LPIN1: variants seen among roughly 807,000 people sequenced by gnomAD.
LPIN1 encodes the protein phosphatidate phosphatase LPIN1.
A neutral mutation model predicts 107.5 loss-of-function variants in LPIN1; 71 were observed. The ratio of observed to expected loss-of-function variants is 0.66; its 90% confidence interval spans 0.55 to 0.80. The LOEUF (loss-of-function observed/expected upper bound fraction) is 0.80, where lower values mean the gene tolerates loss of function less well. Among genes scored for constraint, LPIN1 ranks in the 30% least tolerant of loss-of-function variants. The pLI, the probability that LPIN1 is intolerant of heterozygous loss-of-function variation, is 0.00. For missense variants in LPIN1, 1,043 were observed against 1,160.6 expected, an observed-to-expected ratio of 0.90 and a Z score of 1.47; for synonymous variants, 445 against 452.6, an observed-to-expected ratio of 0.98 and a Z score of 0.21.
chr2:11,789,245 C>G (rs1446259103), intron 12 of LPIN1, among the ~76,000 whole-genome samples: 1 of 152,198 alleles, frequency 6.6e-6, no homozygotes, highest in Non-Finnish European at 1.5e-5. Context: ...TTTGTTGAGT[C>G]TAGGCTTGCT....
chr2:11,774,631 G>GC lies in LPIN1; in HGVS notation c.722+888dup, dbSNP rs1672368877. 6.6e-6 allele frequency among the ~76,000 whole-genome samples: 1 copy of GC among 152,140 alleles called. No individual in the cohort carries two copies. The highest frequency in any genetic ancestry group is 6.5e-5 in the Admixed American group (1 of 15,282). ...TTTAGATTCGCTTCTGGTTCATGGTGCCAGCCCTTAGAAACTCTGGGTTCC... is the reference window on the plus strand; with the variant it reads ...TTTAGATTCGCTTCTGGTTCATGGTGCCCAGCCCTTAGAAACTCTGGGTTCC... On this transcript the variant is annotated intron_variant, in intron 5 of 20. Transcript: ENST00000674199. This position sits in a 1 kb window ranked among gnomAD's most constrained non-coding sequence, Gnocchi z 4.4.
chr2:11,705,877 A>G (rs891636260), intron 1 of LPIN1, among the ~76,000 whole-genome samples: 1 of 152,168 alleles, frequency 6.6e-6, no homozygotes, highest in African/African-American at 2.4e-5. Context: ...TCCAAATTTC[A>G]TCTTGAATTG....
upstream of LPIN1, among the ~76,000 whole-genome samples, chr2:11,743,370 G>A (rs1283008403): frequency 2.6e-5 from 4 of 152,122 alleles, no homozygotes; most frequent in African/African-American, 4.8e-5. The surrounding 1 kb of genome is among the most constrained non-coding windows in gnomAD (Gnocchi z 4.7). Flanking sequence ...CTCTCCCTGC[G>A]GAACCCAGAA....
Position 11,803,327 on chromosome 2 carries a change from T to C in LPIN1, c.2013+294T>C, listed in dbSNP as rs1444167701. ...GGCGGAGCTAATTCGTCCTAAGGTG[T>C]CAATCACAGATAGACTTGAAAATCA... On this transcript the variant is annotated intron_variant, in intron 15 of 20. Coordinates refer to ENST00000674199, the MANE Select transcript of LPIN1 (RefSeq NM_001349206.2). The surrounding 1 kb of genome is among the most constrained non-coding windows in gnomAD (Gnocchi z 4.2). 6.6e-6 allele frequency among the ~76,000 whole-genome samples: 1 copy of C among 152,072 alleles called. No homozygotes were observed. The highest frequency in any genetic ancestry group is 1.5e-5 in the Non-Finnish European group (1 of 68,024).
intron 1 of LPIN1, among the ~76,000 whole-genome samples, chr2:11,734,524 G>T (rs1363760665): frequency 6.6e-6 from 1 of 152,156 alleles, no homozygotes; most frequent in Non-Finnish European, 1.5e-5. Context: ...ATCTGCATTA[G>T]CTAATTGCTT....
At chr2:11,681,486 C>G (rs1454230798) in intron 1 of LPIN1, 2 of 157,904 alleles carry the variant, frequency 1.3e-5, no homozygotes, top group Middle Eastern at 2.9e-3. Context: ...CGCCTTCTGC[C>G]GTCATTGTAA....
Position 11,774,206 on chromosome 2 carries a change from G to T in LPIN1, c.722+461G>T, listed in dbSNP as rs886982531. ...TTTCCCTGAAATGAACTCACAAGTT[G>T]CCCTAGAGGAAAACTTGGAGAACTA... On this transcript the variant is annotated intron_variant, in intron 5 of 20. Transcript: ENST00000674199. This position sits in a 1 kb window ranked among gnomAD's most constrained non-coding sequence, Gnocchi z 4.4. 2.0e-5 allele frequency among the ~76,000 whole-genome samples: 3 copies of T among 152,200 alleles called. No individual in the cohort carries two copies. The highest frequency in any genetic ancestry group is 4.4e-5 in the Non-Finnish European group (3 of 68,036).
At chr2:11,699,847 G>C (rs74787134) in intron 1 of LPIN1, among the ~76,000 whole-genome samples, 3,324 of 152,240 alleles carry the variant, frequency 0.022, 58 homozygotes, top group African/African-American at 0.05. Flanking sequence ...GACGGGCTGG[G>C]GGAGGGAGAG....
chr2:11,750,359 C>G (rs1029831258), intron 1 of LPIN1, among the ~76,000 whole-genome samples: 1 of 152,182 alleles, frequency 6.6e-6, no homozygotes, highest in African/African-American at 2.4e-5. Flanking sequence ...TCGGGGTGGC[C>G]TCTTTGGGCT....
chr2:11,728,906 A>G (rs1377899782), intron 1 of LPIN1, among the ~76,000 whole-genome samples: 1 of 152,164 alleles, frequency 6.6e-6, no homozygotes, highest in African/African-American at 2.4e-5. Context: ...TTAGACCTTC[A>G]TGAGATGAGT....
At chr2:11,807,512 ATTTTTTT>A (rs557625077) in intron 17 of LPIN1, among the ~76,000 whole-genome samples, 7 of 140,666 alleles carry the variant, frequency 5.0e-5, no homozygotes, top group African/African-American at 1.3e-4. Flanking sequence ...TTGCTTTTTA[ATTTTTTT>A]TTTTTTTTTG....
chr2:11,772,532 TA>T (rs1302645939), intron 4 of LPIN1, among the ~76,000 whole-genome samples: 1 of 152,216 alleles, frequency 6.6e-6, no homozygotes, highest in African/African-American at 2.4e-5. Context: ...GGCTGATTTA[TA>T]GGCAAGGGCT....
intron 1 of LPIN1, among the ~76,000 whole-genome samples, chr2:11,710,905 G>T (rs1663374083): frequency 6.6e-6 from 1 of 152,120 alleles, no homozygotes; most frequent in Admixed American, 6.5e-5. Context: ...ACTTAGCTGT[G>T]AAAGAAATTA....
chr2:11,698,292 T>A (rs1186387715), intron 1 of LPIN1, among the ~76,000 whole-genome samples: 1 of 152,206 alleles, frequency 6.6e-6, no homozygotes, highest in Non-Finnish European at 1.5e-5. Context: ...GGAGACCAGA[T>A]GCTTTGGGAG....
rs149307854 is a variant in LPIN1, at chr2:11,815,180, C to T, written c.2342C>T (p.Thr781Met). The change falls in exon 18 of 21, where the codon ACG (threonine) becomes ATG (methionine). Residue 781 changes from threonine (T) to methionine (M), a missense_variant. By Grantham distance (81) the Thr-to-Met change is moderately conservative (BLOSUM62 -1). Transcript: ENST00000674199. ...GYLHWVNERGTVLPQGPLLLS... is the reference protein window; with the variant it reads ...GYLHWVNERGMVLPQGPLLLS... ...CTGCACTGGGTCAACGAGAGGGGCA[C>T]GGTGCTGCCCCAGGGGCCCCTGCTG... 87 of 1,613,992 alleles carry T rather than the reference C, an allele frequency of 5.4e-5. No homozygotes were observed. Among genetic ancestry groups the T allele is most frequent in the South Asian group, 3.3e-4 (30 of 91,078 alleles).
At chr2:11,815,558 C>G (rs997235703) in intron 18 of LPIN1, among the ~76,000 whole-genome samples, 6 of 151,972 alleles carry the variant, frequency 3.9e-5, no homozygotes, top group Non-Finnish European at 7.4e-5. Flanking sequence ...CTGCTTGGAG[C>G]CTTTGCACAT....
intron 1 of LPIN1, among the ~76,000 whole-genome samples, chr2:11,679,804 C>T (rs961799040): frequency 6.6e-6 from 1 of 152,208 alleles, no homozygotes; most frequent in African/African-American, 2.4e-5. Context: ...GTGATGGGGG[C>T]CGGGGGAGTC....
In LPIN1 at chr2:11,784,877, T is replaced by C; in HGVS notation, c.1359-9T>C. On this transcript the variant is annotated splice_polypyrimidine_tract_variant and intron_variant, in intron 9 of 20. Transcript: ENST00000674199. ...CTCAGCCGGTCTCTGCCGCTTTTCC[T>C]CCTTCCAGCGGAGATCCTTCCGGAC... is the stretch of plus-strand genomic sequence containing the variant. 6.2e-7 allele frequency: 1 copy of C among 1,613,718 alleles called. No homozygotes were observed.
intron 1 of LPIN1, among the ~76,000 whole-genome samples, chr2:11,758,909 A>C (rs1435534220): frequency 2.6e-5 from 4 of 152,206 alleles, no homozygotes. Flanking sequence ...ACAACTAAGG[A>C]TCCCTTAGTT....
Sources: allele counts gnomAD v4.1 joint callset (sites outside exome capture counted in the v4.1 genomes callset), GRCh38; gene constraint gnomAD v4.1.1; non-coding constraint Gnocchi (gnomAD v3.1); transcripts MANE v1.5; gene names NCBI Gene and HGNC (gene_info 2026-07-23, HGNC 2026-07-21).